Variants in ZBBX observed in about 807,000 individuals in gnomAD.
ZBBX encodes the protein zinc finger B-box domain-containing protein 1.
In ZBBX, 101 loss-of-function variants were observed where a neutral mutation model predicts 108.5. That is an observed-to-expected ratio of 0.93 (90% CI 0.79 to 1.10). The LOEUF (loss-of-function observed/expected upper bound fraction) is 1.10. Ranked by LOEUF, ZBBX falls within the 50% of genes least tolerant of loss-of-function variation. The pLI, the probability that ZBBX is intolerant of heterozygous loss-of-function variation, is 0.00. For missense variants in ZBBX, 1,009 were observed against 941.4 expected (o/e 1.07, Z -0.94); for synonymous variants, 356 against 323.4 (o/e 1.10, Z -1.08).
At chr3:167,276,762 C>T (rs1185858561) in intron 20 of ZBBX, among the ~76,000 whole-genome samples, 2 of 152,016 alleles carry the variant, frequency 1.3e-5, no homozygotes, top group Admixed American at 1.3e-4. Flanking sequence ...AGATATTCCT[C>T]GAGAAGAGCA....
At chr3:167,366,291 C>T (rs1429119172) in intron 5 of ZBBX, among the ~76,000 whole-genome samples, 1 of 151,594 alleles carries the variant, frequency 6.6e-6, no homozygotes, top group Admixed American at 6.6e-5. Context: ...CTTTACAGGT[C>T]TTTATGAAAT....
At chr3:167,203,992 A>C in the ZBBX span, among the ~76,000 whole-genome samples, 1 of 152,134 alleles carries the variant, frequency 6.6e-6, no homozygotes, top group Non-Finnish European at 1.5e-5. Context: ...ATATGTCAAA[A>C]GATAAGACAC....
In ZBBX at chr3:167,379,655, T is replaced by C. The variant is rs986048586; in HGVS notation, c.-149A>G. 2.0e-5 allele frequency: 3 copies of C among 152,224 alleles called. No homozygotes were observed. Among genetic ancestry groups the C allele is most frequent in the African/African-American group, 7.2e-5 (3 of 41,462 alleles). The allele number at this position is 152,224 out of a possible 1,614,324, so 9.4% of individuals were successfully genotyped here. A position where few individuals can be genotyped will look rare whatever the true frequency, so the allele number is the denominator to read the frequency against. On this transcript the variant is annotated 5_prime_UTR_variant, in exon 2 of 22. Transcript: ENST00000675490. ...TTACATACCTGAGTCCCTCTACTGC[T>C]GATTTTGGGAAGAAAAAATAAACTT...
At chr3:167,252,222 C>G (rs1278512337) in intron 20 of ZBBX, 2 of 1,281,974 alleles carry the variant, frequency 1.6e-6, no homozygotes, top group Non-Finnish European at 2.0e-6. Context: ...CTAGAAATAG[C>G]AGAAAACAAG....
chr3:167,318,699 T>C (rs989244205), intron 12 of ZBBX, among the ~76,000 whole-genome samples: 2 of 152,040 alleles, frequency 1.3e-5, no homozygotes, highest in Non-Finnish European at 2.9e-5. Context: ...CCTCATTCAC[T>C]TTTAAAATTT....
intron 6 of ZBBX, among the ~76,000 whole-genome samples, chr3:167,361,265 A>G (rs981427176): frequency 6.6e-6 from 1 of 152,180 alleles, no homozygotes; most frequent in African/African-American, 2.4e-5. Flanking sequence ...TTAGCCAAAA[A>G]AAATGAATAA....
chr3:167,381,260 T>C (rs1056212076), upstream of ZBBX: 1 of 152,166 alleles, frequency 6.6e-6, no homozygotes, highest in Non-Finnish European at 1.5e-5. Context: ...AGTCTTCTGG[T>C]TATAAGTCTG....
chr3:167,225,597 C>T, the ZBBX span, among the ~76,000 whole-genome samples: 1 of 151,836 alleles, frequency 6.6e-6, no homozygotes, highest in Non-Finnish European at 1.5e-5. Flanking sequence ...TCCCACTAGT[C>T]ACCAAGACTG....
chr3:167,357,205 G>A (rs1429915796), intron 8 of ZBBX, among the ~76,000 whole-genome samples: 1 of 152,002 alleles, frequency 6.6e-6, no homozygotes, highest in Non-Finnish European at 1.5e-5. Context: ...AACATTAAGA[G>A]GTCAATACAG....
chr3:167,394,317 T>C (rs1748165523), intron 1 of ZBBX, among the ~76,000 whole-genome samples: 1 of 151,932 alleles, frequency 6.6e-6, no homozygotes, highest in Admixed American at 6.6e-5. Context: ...ATTCGAAGAC[T>C]TTAAAACTGT....
At chr3:167,367,566 AT>A (rs1745506716) in intron 5 of ZBBX, among the ~76,000 whole-genome samples, 1 of 146,618 alleles carries the variant, frequency 6.8e-6, no homozygotes, top group Non-Finnish European at 1.5e-5. Flanking sequence ...TAATTCCCAT[AT>A]TTTTAGATGA....
the ZBBX span, among the ~76,000 whole-genome samples, chr3:167,208,124 T>C: frequency 2.2e-4 from 34 of 152,286 alleles, no homozygotes; most frequent in Non-Finnish European, 4.9e-4. Flanking sequence ...ATACCAGCCC[T>C]AGGCATGGGG....
intron 18 of ZBBX, among the ~76,000 whole-genome samples, chr3:167,292,455 G>A (rs1340703814): frequency 1.3e-5 from 2 of 152,122 alleles, no homozygotes; most frequent in African/African-American, 4.8e-5. Context: ...ATGACTCTGG[G>A]TAAATAACAA....
At chr3:167,191,784 G>C in the ZBBX span, among the ~76,000 whole-genome samples, 44 of 151,208 alleles carry the variant, frequency 2.9e-4, 1 homozygote, top group African/African-American at 1.0e-3. Flanking sequence ...TGTTGTGAAG[G>C]CCCTCATTTT....
At chr3:167,382,435 A>G (rs1268115976), upstream of ZBBX, among the ~76,000 whole-genome samples, 13 of 152,190 alleles carry the variant, frequency 8.5e-5, no homozygotes, top group Non-Finnish European at 1.6e-4. Context: ...CTATATCAAG[A>G]GCACAGTATT....
At chr3:167,354,103 T>C (rs527955193) in intron 8 of ZBBX, among the ~76,000 whole-genome samples, 3 of 152,116 alleles carry the variant, frequency 2.0e-5, no homozygotes, top group African/African-American at 7.2e-5. Flanking sequence ...TTAGCCTACA[T>C]TTGAGCAAAA....
chr3:167,270,404 C>A (rs543728468), intron 20 of ZBBX, among the ~76,000 whole-genome samples: 1 of 152,154 alleles, frequency 6.6e-6, no homozygotes, highest in Non-Finnish European at 1.5e-5. Context: ...AAAAACCTGA[C>A]CATCTCCTGT....
chr3:167,240,940 C>A (rs759012307), intron 21 of ZBBX, 21 bp from the exon 22 acceptor site: 1 of 1,610,354 alleles, frequency 6.2e-7, no homozygotes, highest in Non-Finnish European at 8.5e-7. Context: ...ATAACAAGAT[C>A]AATACACAAT....
At chr3:167,402,887 G>GA (rs915875533) in intron 1 of ZBBX, among the ~76,000 whole-genome samples, 3 of 150,812 alleles carry the variant, frequency 2.0e-5, no homozygotes, top group East Asian at 1.9e-4. Flanking sequence ...GTAAAGCATA[G>GA]AAAAAAAGGC....
Sources: gnomAD v4.1 joint callset for allele counts (sites outside exome capture counted in the v4.1 genomes callset) on GRCh38, gnomAD v4.1.1 for gene constraint, MANE v1.5 for transcripts, NCBI Gene and HGNC (gene_info 2026-07-23, HGNC 2026-07-21) for gene names.